PRDM16: variants seen among roughly 807,000 people sequenced by gnomAD.
PRDM16 encodes PR/SET domain 16, also known as histone-lysine N-methyltransferase PRDM16.
PRDM16 carries 23 observed loss-of-function variants against 110.6 expected under a neutral mutation model. That is an observed-to-expected ratio of 0.21 (90% CI 0.15 to 0.29). The LOEUF (loss-of-function observed/expected upper bound fraction) is 0.29, where lower values mean the gene tolerates loss of function less well. Among genes scored for constraint, PRDM16 ranks in the 10% least tolerant of loss-of-function variants. The pLI is 1.00. For missense variants in PRDM16, 1,615 were observed against 1,794.3 expected (o/e 0.90, Z 1.81); for synonymous variants, 799 against 781.8 (o/e 1.02, Z -0.37).
intron 1 of PRDM16, among the ~76,000 whole-genome samples, chr1:3,088,648 A>G (rs1457456795): frequency 1.3e-5 from 2 of 150,800 alleles, no homozygotes; most frequent in Non-Finnish European, 3.0e-5. Flanking sequence ...TGTATTTTTT[A>G]GTAGAGACAG....
At chr1:3,418,165 C>G (rs772793002) in intron 11 of PRDM16, among the ~76,000 whole-genome samples, 168 bp downstream of exon 11, 5 of 152,224 alleles carry the variant, frequency 3.3e-5, no homozygotes, top group African/African-American at 4.8e-5. Context: ...AAATAAGTGA[C>G]TTGGGTGGCC....
At chr1:3,079,489 T>G (rs1641973000) in intron 1 of PRDM16, among the ~76,000 whole-genome samples, 1 of 152,026 alleles carries the variant, frequency 6.6e-6, no homozygotes, top group Non-Finnish European at 1.5e-5. Context: ...GAGTGTCTAT[T>G]GACTTGGTGA....
rs556717363 is a variant in PRDM16, at chr1:3,250,642, G to A, written c.438+6505G>A. The stretch of plus-strand genomic sequence containing the variant: ...CTGGTGCCATGGTCTCTACCACCCT[G>A]CGTGTCTGAGGTGGCTTCCTTTCTG... On this transcript the variant is annotated intron_variant, in intron 3 of 16. Transcript: ENST00000270722. Among the ~76,000 whole-genome samples the A allele has an allele frequency of 3.3e-5, 5 of 152,320 alleles. No individual in the cohort carries two copies. In the South Asian group the frequency reaches 1.0e-3, roughly 32 times the overall value.
chr1:3,347,070 ACAGGTGTCCAGGAAACC>A (rs1642376464), intron 3 of PRDM16, among the ~76,000 whole-genome samples: 1 of 152,166 alleles, frequency 6.6e-6, no homozygotes, highest in Non-Finnish European at 1.5e-5. Flanking sequence ...TGAGGGCCTC[ACAGGTGTCCAGGAAACC>A]CAGGTGCCCA....
At chr1:3,384,444 G>T (rs567823631) in intron 3 of PRDM16, among the ~76,000 whole-genome samples, 1 of 152,238 alleles carries the variant, frequency 6.6e-6, no homozygotes, top group African/African-American at 2.4e-5. Flanking sequence ...TGGACAGCAG[G>T]TCAGGTCTCC....
rs188138467 is a variant in PRDM16 at position 3,252,437 on chromosome 1, A to C, written c.438+8300A>C. Among the ~76,000 whole-genome samples the C allele has an allele frequency of 4.4e-3, 662 of 151,672 alleles. 2 individuals carry two copies. The highest frequency in any genetic ancestry group is 0.015 in the African/African-American group (620 of 41,528). ...CCAGTCCTGCTCTAGAGCCAGAAGA[A>C]GGCTCTGGGGAGAGTGAGGGCCTCA... On this transcript the variant is annotated intron_variant, in intron 3 of 16. Transcript: ENST00000270722.
intron 3 of PRDM16, among the ~76,000 whole-genome samples, chr1:3,365,756 A>G (rs549184673): frequency 1.4e-3 from 215 of 152,340 alleles, no homozygotes; most frequent in Non-Finnish European, 2.6e-3. Flanking sequence ...TGCAGCAGCC[A>G]AAGGTGATTA....
chr1:3,316,124 C>T (rs973161949), intron 3 of PRDM16, among the ~76,000 whole-genome samples: 5 of 127,500 alleles, frequency 3.9e-5, no homozygotes, highest in Admixed American at 1.8e-4. Flanking sequence ...AGGCAGGAAT[C>T]GTCTGTCACT....
intron 5 of PRDM16, among the ~76,000 whole-genome samples, chr1:3,400,872 G>A (rs371987145): frequency 4.5e-4 from 69 of 152,170 alleles, no homozygotes; most frequent in African/African-American, 1.4e-3. Context: ...GGCTCCTCTC[G>A]GCCAGACACC....
intron 3 of PRDM16, among the ~76,000 whole-genome samples, chr1:3,323,261 A>T (rs2100463943): frequency 6.6e-6 from 1 of 152,320 alleles, no homozygotes; most frequent in South Asian, 2.1e-4. Flanking sequence ...GGGGCAGGAC[A>T]CAGCGTTGCC....
At chr1:3,079,271 C>A (rs938291984) in intron 1 of PRDM16, among the ~76,000 whole-genome samples, 5 of 152,192 alleles carry the variant, frequency 3.3e-5, no homozygotes, top group African/African-American at 7.2e-5. Flanking sequence ...CCTGAGAGCC[C>A]CTTCCAGCCT....
intron 3 of PRDM16, among the ~76,000 whole-genome samples, chr1:3,383,606 G>A (rs1643143622): frequency 6.6e-6 from 1 of 152,092 alleles, no homozygotes; most frequent in South Asian, 2.1e-4. Context: ...CACCAGGCCC[G>A]AGATGGCTAG....
chr1:3,314,071 C>CGGGGGGGGGGGGGGG (rs747479644), intron 3 of PRDM16, among the ~76,000 whole-genome samples: 8 of 100,608 alleles, frequency 8.0e-5, no homozygotes, highest in African/African-American at 3.7e-4. Context: ...CCTTCCCCAC[C>CGGGGGGGGGGGGGGG]GGGGGGGGGG....
intron 1 of PRDM16, among the ~76,000 whole-genome samples, chr1:3,134,008 G>A (rs1171688128): frequency 1.3e-5 from 2 of 152,330 alleles, no homozygotes; most frequent in African/African-American, 4.8e-5. Context: ...AGACTGCAAA[G>A]CACTGGGGAA....
chr1:3,087,989 G>A (rs931100916), intron 1 of PRDM16, among the ~76,000 whole-genome samples: 2 of 151,440 alleles, frequency 1.3e-5, no homozygotes, highest in Admixed American at 6.6e-5. Context: ...CCTTGGTGCC[G>A]CCTTCTTCTT....
intron 1 of PRDM16, among the ~76,000 whole-genome samples, chr1:3,180,036 A>T (rs1326672528): frequency 6.6e-6 from 1 of 152,048 alleles, no homozygotes; most frequent in Non-Finnish European, 1.5e-5. Flanking sequence ...CTTCCGTCTC[A>T]TACTTTTGAC....
chr1:3,263,939 G>C (rs1470824785), intron 3 of PRDM16, among the ~76,000 whole-genome samples: 1 of 152,082 alleles, frequency 6.6e-6, no homozygotes, highest in African/African-American at 2.4e-5. Flanking sequence ...ACGGGCACTC[G>C]CCCTCTCTGT....
chr1:3,161,961 G>A (rs900497420), intron 1 of PRDM16, among the ~76,000 whole-genome samples: 7 of 152,174 alleles, frequency 4.6e-5, no homozygotes, highest in Non-Finnish European at 1.0e-4. Context: ...TTCGGGCAGC[G>A]CTCAGGGCAC....
In PRDM16 at chr1:3,414,323, C is replaced by T. The variant is rs56353807; in HGVS notation, c.2604-237C>T. Among the ~76,000 whole-genome samples the T allele has an allele frequency of 0.086, 13,063 of 152,166 alleles. 667 individuals are homozygous for T. Among genetic ancestry groups the T allele is most frequent in the Non-Finnish European group, 0.12 (8,119 of 67,974 alleles). The stretch of plus-strand genomic sequence containing the variant: ...GAGGGAACCACTGAGGGAGAGTGTT[C>T]AGGGGCAGGTGGTGACAGGGAGGGT... On this transcript the variant is annotated intron_variant, in intron 9 of 16. Transcript: ENST00000270722.
Sources: gnomAD v4.1 joint callset for allele counts (sites outside exome capture counted in the v4.1 genomes callset) on GRCh38, gnomAD v4.1.1 for gene constraint, MANE v1.5 for transcripts, NCBI Gene and HGNC (gene_info 2026-07-23, HGNC 2026-07-21) for gene names.